CPNE5: variants seen among roughly 807,000 people sequenced by gnomAD.
The protein encoded by CPNE5 is copine 5.
CPNE5 carries 42 observed loss-of-function variants against 81.1 expected under a neutral mutation model. That is an observed-to-expected ratio of 0.52 (90% CI 0.40 to 0.67). The LOEUF is 0.67. CPNE5 is among the 30% of genes least tolerant of loss of function. The pLI, the probability that CPNE5 is intolerant of heterozygous loss-of-function variation, is 0.00. For synonymous variants in CPNE5, 313 were observed against 321.5 expected (o/e 0.97, Z 0.28); for missense variants, 612 against 815.5 (o/e 0.75, Z 3.04).
chr6:36,760,232 A>AAG (rs1765891828), intron 12 of CPNE5, among the ~76,000 whole-genome samples: 1 of 149,758 alleles, frequency 6.7e-6, no homozygotes, highest in African/African-American at 2.5e-5. Flanking sequence ...AAAAAAAAAA[A>AAG]GCACGCATAC....
At chr6:36,832,930 A>C in intron 1 of CPNE5, among the ~76,000 whole-genome samples, 1 of 152,158 alleles carries the variant, frequency 6.6e-6, no homozygotes. Flanking sequence ...ATGGCATCGA[A>C]GGCTGGCTTC....
At position 36,794,606 on chromosome 6, in the gene CPNE5, G is replaced by T. The variant is rs537564184; in HGVS notation, c.448C>A (p.Pro150Thr). ...SLNSRTGKPM[P>T]AVSNGGVPGK... is the part of the protein sequence containing the mutation. ...GCAACGTACCCGTTGGACACAGCTG[G>T]CATGGGTTTGCCCGTCCTGGAATTC... The change falls in exon 7 of 21, where the codon CCA becomes ACA. Residue 150 changes from proline to threonine, a missense_variant. Coordinates refer to ENST00000244751, the MANE Select transcript of CPNE5 (RefSeq NM_020939.2). 1 of 1,614,102 alleles carries T rather than the reference G, an allele frequency of 6.2e-7. No individual in the cohort carries two copies.
rs1274734754 is a variant in CPNE5 at position 36,746,791 on chromosome 6, T to C, written c.1019-214A>G. On this transcript the variant is annotated intron_variant, in intron 15 of 20. Transcript: ENST00000244751. This position sits in a 1 kb window ranked among gnomAD's most constrained non-coding sequence, Gnocchi z 4.5. Reference sequence around the variant, plus strand: ...CCCCATACCACCACCCTCTTGCTTATAGGATGCAGCAGTCTCCTAACTGAT... The same window carrying C: ...CCCCATACCACCACCCTCTTGCTTACAGGATGCAGCAGTCTCCTAACTGAT... Among the ~76,000 whole-genome samples the C allele has an allele frequency of 6.6e-6, 1 of 152,078 alleles. No homozygotes were observed. Among genetic ancestry groups the C allele is most frequent in the African/African-American group, 2.4e-5 (1 of 41,392 alleles).
intron 8 of CPNE5, among the ~76,000 whole-genome samples, chr6:36,780,170 A>G (rs1446820482): frequency 6.6e-6 from 1 of 152,020 alleles, no homozygotes; most frequent in Non-Finnish European, 1.5e-5. Flanking sequence ...TCACTGTGTT[A>G]GCCAAGATGG....
intron 3 of CPNE5, among the ~76,000 whole-genome samples, chr6:36,810,163 A>G (rs1053631114): frequency 6.6e-6 from 1 of 151,934 alleles, no homozygotes; most frequent in South Asian, 2.1e-4. Context: ...GCAAGCCTGA[A>G]CAATCTTCAT....
rs995023467 is a variant in CPNE5 at position 36,766,184 on chromosome 6, G to A, written c.738-808C>T. On this transcript the variant is annotated intron_variant, in intron 10 of 20. Transcript: ENST00000244751. The surrounding 1 kb of genome is among the most constrained non-coding windows in gnomAD (Gnocchi z 4.2). ...AGGTTTGGGGAGGTGGGAAGGGCCT[G>A]GGGAGCTGGGGTCTTCAGCCTTCAG... Among the ~76,000 whole-genome samples the A allele has an allele frequency of 2.0e-5, 3 of 152,166 alleles. No individual in the cohort carries two copies.
At chr6:36,780,983 T>G (rs1056849770) in intron 8 of CPNE5, among the ~76,000 whole-genome samples, 3 of 152,188 alleles carry the variant, frequency 2.0e-5, no homozygotes, top group Non-Finnish European at 2.9e-5. Flanking sequence ...CCTCTTCCAG[T>G]ACCACTCTGC....
chr6:36,811,280 A>T (rs1195362619), intron 3 of CPNE5, among the ~76,000 whole-genome samples: 1 of 152,206 alleles, frequency 6.6e-6, no homozygotes, highest in Non-Finnish European at 1.5e-5. Flanking sequence ...TCACTCCAAA[A>T]CATCGATAGC....
chr6:36,772,571 C>A (rs1335438526), intron 10 of CPNE5, among the ~76,000 whole-genome samples: 1 of 152,228 alleles, frequency 6.6e-6, no homozygotes, highest in Non-Finnish European at 1.5e-5. Context: ...GAAGGCGACC[C>A]TGTTCGTTTA....
intron 14 of CPNE5, among the ~76,000 whole-genome samples, chr6:36,749,543 G>A (rs983347401): frequency 1.3e-5 from 2 of 151,956 alleles, no homozygotes; most frequent in African/African-American, 2.4e-5. Context: ...AAGCATTTGG[G>A]GATAAAATAT....
Position 36,757,506 on chromosome 6 carries a change from C to T in CPNE5, c.856-1208G>A, listed in dbSNP as rs563310787. The T allele has an allele frequency of 1.6e-5, 5 of 306,916 alleles. No homozygotes were observed. In the South Asian group the frequency reaches 3.8e-4, roughly 24 times the overall value. The allele number at this position is 306,916 out of a possible 1,614,324, so 19.0% of individuals were successfully genotyped here. ...ACAGGATTAGAAACCAGGTTTCCTGCCCCCGGGCCAGTGGTGCATACATTG... is the reference window on the plus strand; with the variant it reads ...ACAGGATTAGAAACCAGGTTTCCTGTCCCCGGGCCAGTGGTGCATACATTG... On this transcript the variant is annotated intron_variant, in intron 12 of 20. Transcript: ENST00000244751.
At chr6:36,756,100 CCCT>C in intron 13 of CPNE5, 142 bp downstream of exon 13, 1 of 533,234 alleles carries the variant, frequency 1.9e-6, no homozygotes. Context: ...TCTGCCCCAC[CCCT>C]CCCCACCCCA....
Position 36,778,886 on chromosome 6 carries a change from G to C in CPNE5, c.600C>G (p.Phe200Leu). The change falls in exon 9 of 21, where the codon TTC becomes TTG. Residue 200 changes from phenylalanine to leucine, a missense_variant. Coordinates refer to ENST00000244751, the MANE Select transcript of CPNE5 (RefSeq NM_020939.2). Reference protein sequence around the residue: ...KKDFFGKSDPFLVFYRSNEDG... With the variant: ...KKDFFGKSDPLLVFYRSNEDG... ...CCTCGTTGCTTCTGTAGAATACCAA[G>C]AAGGGGTCAGATTTCCCAAAGAAAT... The C allele has an allele frequency of 6.2e-7, 1 of 1,606,630 alleles. No individual in the cohort carries two copies. Among genetic ancestry groups the C allele is most frequent in the Non-Finnish European group, 8.5e-7 (1 of 1,173,658 alleles).
At chr6:36,755,128 G>A (rs1223025897) in intron 13 of CPNE5, 1 of 152,228 alleles carries the variant, frequency 6.6e-6, no homozygotes, top group East Asian at 1.9e-4. Context: ...GTGGCAAGGT[G>A]GGGATGATTT....
At chr6:36,785,072 T>C (rs529510127) in intron 8 of CPNE5, among the ~76,000 whole-genome samples, 44 of 152,344 alleles carry the variant, frequency 2.9e-4, no homozygotes, top group African/African-American at 1.0e-3. Context: ...CACCCTATCT[T>C]TTTAAAAAAC....
intron 14 of CPNE5, among the ~76,000 whole-genome samples, chr6:36,749,674 C>A (rs977357119): frequency 3.7e-5 from 5 of 136,888 alleles, no homozygotes; most frequent in East Asian, 2.2e-4. Flanking sequence ...AAAAAAAAAA[C>A]CCACTAAAAT....
At chr6:36,750,085 A>G (rs1764638427) in intron 14 of CPNE5, among the ~76,000 whole-genome samples, 1 of 152,224 alleles carries the variant, frequency 6.6e-6, no homozygotes, top group African/African-American at 2.4e-5. Flanking sequence ...TACCTCTTGA[A>G]AAAATGTCCA....
intron 3 of CPNE5, among the ~76,000 whole-genome samples, chr6:36,813,686 C>A (rs1771297085): frequency 6.6e-6 from 1 of 152,198 alleles, no homozygotes; most frequent in South Asian, 2.1e-4. Context: ...ACTCAAACTA[C>A]ACCAGCCTTC....
intron 8 of CPNE5, among the ~76,000 whole-genome samples, chr6:36,784,668 A>T (rs1381081874): frequency 6.6e-6 from 1 of 152,190 alleles, no homozygotes. Context: ...TTGGCCGGGC[A>T]TGATGGTGCA....
Sources: allele counts gnomAD v4.1 joint callset (sites outside exome capture counted in the v4.1 genomes callset), GRCh38; gene constraint gnomAD v4.1.1; non-coding constraint Gnocchi (gnomAD v3.1); transcripts MANE v1.5; gene names NCBI Gene and HGNC (gene_info 2026-07-23, HGNC 2026-07-21).